The following UGT3A1 variants were observed in gnomAD, a reference collection of about 807,000 sequenced individuals.
UGT3A1 encodes UDP-glycosyltransferase 3A1.
In UGT3A1, 40 loss-of-function variants were observed where a neutral mutation model predicts 37.6. That is an observed-to-expected ratio of 1.06 (90% CI 0.83 to 1.38). UGT3A1 has a LOEUF of 1.38. UGT3A1 is among the 40% of genes most tolerant of loss of function. The probability of loss-of-function intolerance (pLI) is 0.00; values close to 1 mark genes in which losing one functional copy is unlikely to be tolerated. For synonymous variants in UGT3A1, 256 were observed against 232.3 expected, an observed-to-expected ratio of 1.10 and a Z score of -0.93; for missense variants, 642 against 634.2, an observed-to-expected ratio of 1.01 and a Z score of -0.13.
At chr5:35,989,900 C>T (rs1740869515) in intron 1 of UGT3A1, among the ~76,000 whole-genome samples, 4 of 152,066 alleles carry the variant, frequency 2.6e-5, no homozygotes. Context: ...CTGGCTAACA[C>T]GGTTAAACCC....
intron 2 of UGT3A1, among the ~76,000 whole-genome samples, chr5:35,981,341 G>A (rs889963726): frequency 4.6e-5 from 7 of 152,076 alleles, no homozygotes; most frequent in African/African-American, 1.2e-4. Flanking sequence ...CCACAGAAGA[G>A]TGGCCCTTGT....
At chr5:35,955,549 G>T in intron 6 of UGT3A1, 96 bp downstream of exon 6, 1 of 1,384,268 alleles carries the variant, frequency 7.2e-7, no homozygotes, top group Non-Finnish European at 1.0e-6. Context: ...TGTCACAGAA[G>T]TTTCAGCTAT....
intron 4 of UGT3A1, among the ~76,000 whole-genome samples, chr5:35,964,751 C>T (rs1739728502): frequency 6.6e-6 from 1 of 152,222 alleles, no homozygotes; most frequent in South Asian, 2.1e-4. Context: ...AGGCTGCCAA[C>T]TCATTTCAGC....
chr5:35,983,143 G>T (rs1180267980), intron 2 of UGT3A1, among the ~76,000 whole-genome samples: 2 of 149,880 alleles, frequency 1.3e-5, no homozygotes, highest in African/African-American at 4.9e-5. Flanking sequence ...TGTGAAAACA[G>T]ATTAATACAC....
chr5:35,953,972 G>T lies in UGT3A1; in HGVS notation c.*230C>A. On this transcript the variant is annotated 3_prime_UTR_variant, in exon 7 of 7. Coordinates refer to ENST00000274278, the MANE Select transcript of UGT3A1 (RefSeq NM_152404.4). ...AGGGAGAAAGGAGGAGGCAGGGCTG[G>T]CAGGTGAAAATTTGTATCTGAGCTG... The T allele has an allele frequency of 2.0e-6, 1 of 507,650 alleles. No homozygotes were observed. The highest frequency in any genetic ancestry group is 3.5e-6 in the Non-Finnish European group (1 of 284,868). The allele number at this position is 507,650 out of a possible 1,614,324, so 31.4% of individuals were successfully genotyped here. A position where few individuals can be genotyped will look rare whatever the true frequency, so the allele number is the denominator to read the frequency against.
intron 2 of UGT3A1, among the ~76,000 whole-genome samples, chr5:35,983,993 A>C (rs1740632073): frequency 1.3e-5 from 2 of 152,230 alleles, no homozygotes; most frequent in African/African-American, 4.8e-5. Context: ...GATCTGAAAT[A>C]AGACAAGGAT....
intron 1 of UGT3A1, among the ~76,000 whole-genome samples, chr5:35,999,323 A>G (rs953685178): frequency 5.3e-5 from 8 of 152,164 alleles, no homozygotes; most frequent in Admixed American, 5.2e-4. Context: ...TAAAAATCCC[A>G]GGTCACTCAA....
At chr5:35,988,699 C>T in intron 1 of UGT3A1, 148 bp from the exon 2 acceptor site, 1 of 612,864 alleles carries the variant, frequency 1.6e-6, no homozygotes, top group Non-Finnish European at 2.8e-6. Flanking sequence ...TAAGCGCTTC[C>T]TGTTCCTCAA....
chr5:35,963,338 C>G (rs1465267635), intron 4 of UGT3A1, among the ~76,000 whole-genome samples: 3 of 152,128 alleles, frequency 2.0e-5, no homozygotes, highest in Non-Finnish European at 2.9e-5. Flanking sequence ...ATCGGGTTTT[C>G]CTTTCTAGGC....
At chr5:35,990,300 G>A (rs990215970) in intron 1 of UGT3A1, among the ~76,000 whole-genome samples, 1 of 152,078 alleles carries the variant, frequency 6.6e-6, no homozygotes, top group Admixed American at 6.5e-5. Context: ...TAGATGATCC[G>A]TGGTTCCTTC....
At chr5:35,991,048 A>G (rs760947351) in intron 1 of UGT3A1, 99 bp downstream of exon 1, 260 of 1,609,742 alleles carry the variant, frequency 1.6e-4, no homozygotes, top group Non-Finnish European at 2.1e-4. Context: ...AGCCTGGAAA[A>G]TCGCCTGGAT....
intron 2 of UGT3A1, among the ~76,000 whole-genome samples, chr5:35,975,585 G>A (rs768397468): frequency 6.6e-6 from 1 of 152,122 alleles, no homozygotes; most frequent in African/African-American, 2.4e-5. Flanking sequence ...TGCAGCATGA[G>A]TGCATAATTA....
upstream of UGT3A1, among the ~76,000 whole-genome samples, chr5:35,996,386 T>C (rs550340362): frequency 6.6e-6 from 1 of 152,342 alleles, no homozygotes; most frequent in African/African-American, 2.4e-5. Flanking sequence ...ATATCTCTGA[T>C]AAACCCCACC....
At chr5:35,977,377 T>C in intron 2 of UGT3A1, among the ~76,000 whole-genome samples, 1 of 152,236 alleles carries the variant, frequency 6.6e-6, no homozygotes. Flanking sequence ...TTTGGATGTT[T>C]GCCCCCTCCA....
At chr5:35,993,550 C>G (rs184053117), upstream of UGT3A1, among the ~76,000 whole-genome samples, 52 of 152,212 alleles carry the variant, frequency 3.4e-4, no homozygotes, top group Admixed American at 5.9e-4. Context: ...AAATTGTGTA[C>G]TTCTCAATAT....
intron 2 of UGT3A1, among the ~76,000 whole-genome samples, chr5:35,996,574 C>G (rs1741101259): frequency 6.6e-6 from 1 of 152,176 alleles, no homozygotes; most frequent in African/African-American, 2.4e-5. Flanking sequence ...CTAATATGCC[C>G]TGGGGCCCCT....
intron 4 of UGT3A1, among the ~76,000 whole-genome samples, chr5:35,958,875 A>G (rs951201304): frequency 6.6e-6 from 1 of 152,198 alleles, no homozygotes; most frequent in Non-Finnish European, 1.5e-5. Context: ...GTCTCACCTA[A>G]TTCAGAGCTC....
chr5:35,994,042 A>C (rs1033986277), upstream of UGT3A1, among the ~76,000 whole-genome samples: 21 of 152,200 alleles, frequency 1.4e-4, no homozygotes, highest in Non-Finnish European at 3.1e-4. Flanking sequence ...GTTTAAAAAA[A>C]AACTCCTTTT....
At chr5:35,957,129 C>T in intron 5 of UGT3A1, 59 bp downstream of exon 5, 1 of 1,461,826 alleles carries the variant, frequency 6.8e-7, no homozygotes, top group Non-Finnish European at 9.5e-7. Context: ...GGTCAGAACA[C>T]TGACGAGCAC....
Sources: allele counts gnomAD v4.1 joint callset (sites outside exome capture counted in the v4.1 genomes callset), GRCh38; gene constraint gnomAD v4.1.1; transcripts MANE v1.5; gene names NCBI Gene and HGNC (gene_info 2026-07-23, HGNC 2026-07-21).